Variants in DIAPH3 observed in about 807,000 individuals in gnomAD.
DIAPH3 encodes the protein protein diaphanous homolog 3.
DIAPH3 carries 117 observed loss-of-function variants against 144.3 expected under a neutral mutation model. The ratio of observed to expected loss-of-function variants is 0.81; its 90% confidence interval spans 0.70 to 0.95. The LOEUF is 0.95. DIAPH3 is among the 40% of genes least tolerant of loss of function. The pLI, the probability that DIAPH3 is intolerant of heterozygous loss-of-function variation, is 0.00. For synonymous variants in DIAPH3, 519 were observed against 488.9 expected (o/e 1.06, Z -0.81); for missense variants, 1,421 against 1,412.7 (o/e 1.01, Z -0.09).
chr13:59,796,504 T>C (rs2039611638), intron 25 of DIAPH3, among the ~76,000 whole-genome samples: 1 of 152,222 alleles, frequency 6.6e-6, no homozygotes, highest in Non-Finnish European at 1.5e-5. Flanking sequence ...TCATTTCTGT[T>C]CTACAAATAT....
intron 25 of DIAPH3, among the ~76,000 whole-genome samples, chr13:59,796,803 AG>A (rs1349647980): frequency 6.6e-6 from 1 of 152,212 alleles, no homozygotes; most frequent in Non-Finnish European, 1.5e-5. Context: ...AGTATCTTAA[AG>A]TAGAGATTAT....
chr13:59,883,227 A>G (rs1398250963), intron 20 of DIAPH3, among the ~76,000 whole-genome samples: 2 of 152,128 alleles, frequency 1.3e-5, no homozygotes, highest in African/African-American at 4.8e-5. Context: ...GTCCCCAGGA[A>G]GATGTAATCT....
At chr13:60,049,742 C>T (rs955774621) in intron 4 of DIAPH3, among the ~76,000 whole-genome samples, 2 of 152,140 alleles carry the variant, frequency 1.3e-5, no homozygotes, top group African/African-American at 2.4e-5. Flanking sequence ...ACAGGAGTGA[C>T]GTAAAAGTCA....
intron 5 of DIAPH3, among the ~76,000 whole-genome samples, chr13:60,041,286 T>C (rs1422898342): frequency 2.0e-5 from 3 of 152,158 alleles, no homozygotes; most frequent in Admixed American, 2.0e-4. Flanking sequence ...AATTAAAACC[T>C]CATTGTTTCA....
chr13:59,825,323 T>TG (rs1167614006), intron 24 of DIAPH3, among the ~76,000 whole-genome samples: 1 of 152,114 alleles, frequency 6.6e-6, no homozygotes, highest in African/African-American at 2.4e-5. Flanking sequence ...TTACTGAGAA[T>TG]ATGATTTCCA....
chr13:59,714,086 C>A (rs1203815803), intron 27 of DIAPH3, among the ~76,000 whole-genome samples: 2 of 152,002 alleles, frequency 1.3e-5, no homozygotes, highest in South Asian at 2.1e-4. Flanking sequence ...TAGGGCCGGG[C>A]GCGGTGGCTC....
rs1286007346 is a variant in DIAPH3 at position 59,890,980 on chromosome 13, T to A, written c.2368-11512A>T. 2.0e-5 allele frequency among the ~76,000 whole-genome samples: 3 copies of A among 151,018 alleles called. 1 individual carries two copies. The highest frequency in any genetic ancestry group is 4.2e-4 in the South Asian group (2 of 4,764). On this transcript the variant is annotated intron_variant, in intron 20 of 27. Transcript: ENST00000400324. The stretch of plus-strand genomic sequence containing the variant: ...ACATAAAAGTGCAAATGAACCAGAA[T>A]ATATCTACAATAATTTCACTTTAAG...
intron 25 of DIAPH3, among the ~76,000 whole-genome samples, chr13:59,775,488 C>T (rs772950250): frequency 2.6e-5 from 4 of 152,242 alleles, no homozygotes; most frequent in Admixed American, 6.5e-5. Context: ...ATGATCTGCC[C>T]GCCTCAGACT....
chr13:60,152,700 C>CA (rs1951845766), intron 1 of DIAPH3, among the ~76,000 whole-genome samples: 1 of 151,902 alleles, frequency 6.6e-6, no homozygotes, highest in South Asian at 2.1e-4. Context: ...CAGTGTTTTA[C>CA]ACCTCTTTTG....
At chr13:59,738,097 A>C (rs1235975145) in intron 27 of DIAPH3, among the ~76,000 whole-genome samples, 1 of 152,086 alleles carries the variant, frequency 6.6e-6, no homozygotes, top group African/African-American at 2.4e-5. Context: ...AACCTGGTGA[A>C]GGGAGGCTGC....
intron 14 of DIAPH3, among the ~76,000 whole-genome samples, chr13:59,980,216 C>G (rs1192434470): frequency 6.6e-6 from 1 of 151,428 alleles, no homozygotes; most frequent in Non-Finnish European, 1.5e-5. Flanking sequence ...CAGCTATGAC[C>G]TATGAAAATG....
At chr13:59,860,464 C>A (rs142724354) in intron 22 of DIAPH3, among the ~76,000 whole-genome samples, 1 of 152,090 alleles carries the variant, frequency 6.6e-6, no homozygotes, top group African/African-American at 2.4e-5. Context: ...TGAGGCCGGG[C>A]GCGGTGGCTC....
chr13:59,966,826 AAC>A (rs2050073776), intron 17 of DIAPH3, among the ~76,000 whole-genome samples: 1 of 152,034 alleles, frequency 6.6e-6, no homozygotes, highest in South Asian at 2.1e-4. Context: ...TCTCAGTCCA[AAC>A]AGTTACTACT....
chr13:60,016,299 T>C (rs1421395537), intron 5 of DIAPH3, among the ~76,000 whole-genome samples, 154 bp from the exon 6 acceptor site: 1 of 152,226 alleles, frequency 6.6e-6, no homozygotes, highest in Non-Finnish European at 1.5e-5. Flanking sequence ...TGACTCATCT[T>C]AGTTGTGAAA....
chr13:59,781,286 G>C (rs535730840), intron 25 of DIAPH3, among the ~76,000 whole-genome samples: 1 of 152,154 alleles, frequency 6.6e-6, no homozygotes, highest in Non-Finnish European at 1.5e-5. Context: ...ATTCTGAAGC[G>C]AAATTATTTC....
intron 3 of DIAPH3, among the ~76,000 whole-genome samples, chr13:60,098,691 T>C (rs2058178354): frequency 6.6e-6 from 1 of 152,060 alleles, no homozygotes; most frequent in Non-Finnish European, 1.5e-5. Flanking sequence ...AACTCCTCCT[T>C]CCATTCAAAC....
At chr13:60,085,322 T>G (rs1397722523) in intron 4 of DIAPH3, among the ~76,000 whole-genome samples, 2 of 152,146 alleles carry the variant, frequency 1.3e-5, no homozygotes, top group East Asian at 3.8e-4. Flanking sequence ...CATGACTAGA[T>G]AATAGTTTTA....
chr13:60,146,134 G>A (rs1246103479), intron 1 of DIAPH3, among the ~76,000 whole-genome samples: 2 of 152,218 alleles, frequency 1.3e-5, no homozygotes, highest in East Asian at 1.9e-4. Context: ...GAAAAATGAA[G>A]AGCACAATTC....
intron 22 of DIAPH3, chr13:59,861,115 A>C: frequency 3.4e-6 from 3 of 881,740 alleles, no homozygotes; most frequent in Non-Finnish European, 4.9e-6. Flanking sequence ...CTGGCCAAAA[A>C]GTGCAGGAGA....
Sources: allele counts gnomAD v4.1 joint callset (sites outside exome capture counted in the v4.1 genomes callset), GRCh38; gene constraint gnomAD v4.1.1; transcripts MANE v1.5; gene names NCBI Gene and HGNC (gene_info 2026-07-23, HGNC 2026-07-21).